Variants in TPH2 observed in about 807,000 individuals in gnomAD.
TPH2 encodes the protein tryptophan hydroxylase 2.
A neutral mutation model predicts 59.1 loss-of-function variants in TPH2; 27 were observed. That is an observed-to-expected ratio of 0.46 (90% CI 0.34 to 0.63). TPH2 has a LOEUF of 0.63. Among genes scored for constraint, TPH2 ranks in the 30% least tolerant of loss-of-function variants. The pLI, the probability that TPH2 is intolerant of heterozygous loss-of-function variation, is 0.01. For missense variants in TPH2, 523 were observed against 588.3 expected (o/e 0.89, Z 1.15); for synonymous variants, 220 against 210.5 (o/e 1.05, Z -0.39).
intron 6 of TPH2, among the ~76,000 whole-genome samples, chr12:71,974,686 C>T (rs899638847): frequency 1.3e-5 from 2 of 152,198 alleles, no homozygotes; most frequent in African/African-American, 4.8e-5. Context: ...CTTGGGGGGC[C>T]ATTACTTAGC....
intron 8 of TPH2, among the ~76,000 whole-genome samples, chr12:72,015,918 C>T (rs10506647): frequency 0.024 from 3,621 of 152,268 alleles, 147 homozygotes; most frequent in African/African-American, 0.083. Flanking sequence ...GTGATAGCTA[C>T]TTACACTCAT....
intron 7 of TPH2, among the ~76,000 whole-genome samples, chr12:71,982,704 T>C (rs1257717393): frequency 6.6e-6 from 1 of 152,240 alleles, no homozygotes; most frequent in African/African-American, 2.4e-5. Context: ...ACTTCTCTAC[T>C]GTGTTTGCTG....
intron 9 of TPH2, among the ~76,000 whole-genome samples, chr12:72,025,725 G>A (rs1873550039): frequency 6.6e-6 from 1 of 152,038 alleles, no homozygotes; most frequent in South Asian, 2.1e-4. Flanking sequence ...TCATAACTGT[G>A]GAGAACAATT....
Position 71,979,098 on chromosome 12 carries a change from A to G in TPH2, c.941+11A>G. 1 of 1,614,124 alleles carries G rather than the reference A, an allele frequency of 6.2e-7. No homozygotes were observed. ...CTACACCCCAGAACCGTGAGTACCTACATTAAAGCCCAGGCCACCACACCA... is the reference window on the plus strand; with the variant it reads ...CTACACCCCAGAACCGTGAGTACCTGCATTAAAGCCCAGGCCACCACACCA... On this transcript the variant is annotated intron_variant, in intron 7 of 10. Transcript: ENST00000333850.
intron 7 of TPH2, among the ~76,000 whole-genome samples, chr12:71,987,667 T>C (rs1302415124): frequency 6.6e-6 from 1 of 151,988 alleles, no homozygotes; most frequent in African/African-American, 2.4e-5. Context: ...TGGCCCAACA[T>C]GATAAAAACC....
intron 5 of TPH2, among the ~76,000 whole-genome samples, chr12:71,972,262 A>G (rs1358303460): frequency 1.3e-5 from 2 of 152,254 alleles, no homozygotes; most frequent in Admixed American, 1.3e-4. Context: ...GTTTAAGAAC[A>G]TAAATCTTAT....
intron 8 of TPH2, among the ~76,000 whole-genome samples, chr12:72,007,858 G>C (rs955016718): frequency 6.6e-6 from 1 of 151,932 alleles, no homozygotes; most frequent in Non-Finnish European, 1.5e-5. Flanking sequence ...ATTGGATTTT[G>C]CTTCTTTGGA....
At chr12:72,000,935 CT>C (rs1397393139) in intron 8 of TPH2, among the ~76,000 whole-genome samples, 1 of 152,196 alleles carries the variant, frequency 6.6e-6, no homozygotes, top group African/African-American at 2.4e-5. Context: ...ATTGATTTCT[CT>C]TCCCCCAAAT....
intron 6 of TPH2, among the ~76,000 whole-genome samples, chr12:71,977,323 C>T (rs569797899): frequency 6.6e-6 from 1 of 152,106 alleles, no homozygotes; most frequent in African/African-American, 2.4e-5. Context: ...TCCTAAAGTA[C>T]TGGTATTACA....
At chr12:71,982,835 A>G (rs1243318942) in intron 7 of TPH2, among the ~76,000 whole-genome samples, 3 of 152,256 alleles carry the variant, frequency 2.0e-5, no homozygotes. Flanking sequence ...GCAACAAAAA[A>G]TACATTATCT....
intron 2 of TPH2, among the ~76,000 whole-genome samples, chr12:71,942,337 G>A (rs1871093759): frequency 6.6e-6 from 1 of 152,158 alleles, no homozygotes; most frequent in African/African-American, 2.4e-5. Context: ...CCTGGTTAGG[G>A]ATGAGGCTGG....
intron 9 of TPH2, 59 bp from the exon 10 acceptor site, chr12:72,031,199 T>C: frequency 6.2e-7 from 1 of 1,609,972 alleles, no homozygotes; most frequent in Non-Finnish European, 8.5e-7. Context: ...AAATGTGATG[T>C]CATGGAGCTT....
At chr12:72,023,601 G>A (rs969105587) in intron 9 of TPH2, among the ~76,000 whole-genome samples, 3 of 152,100 alleles carry the variant, frequency 2.0e-5, no homozygotes, top group Non-Finnish European at 4.4e-5. Context: ...AGGCTGAGGT[G>A]GGCGGATCAC....
chr12:71,970,132 A>G (rs1871932134), intron 5 of TPH2, among the ~76,000 whole-genome samples: 1 of 152,190 alleles, frequency 6.6e-6, no homozygotes, highest in South Asian at 2.1e-4. Context: ...TTTGAGATCA[A>G]ATTGATTTTT....
chr12:72,014,680 C>T (rs535567748), intron 8 of TPH2, among the ~76,000 whole-genome samples: 16 of 152,122 alleles, frequency 1.1e-4, no homozygotes, highest in African/African-American at 2.4e-4. Flanking sequence ...CGTGAACCAC[C>T]GTGCCCGGCC....
intron 4 of TPH2, among the ~76,000 whole-genome samples, chr12:71,947,943 C>T (rs952580469): frequency 7.9e-5 from 12 of 152,144 alleles, no homozygotes; most frequent in African/African-American, 2.7e-4. Flanking sequence ...GGAACAGATG[C>T]TGTGCTTTTC....
chr12:71,969,170 C>A (rs1871901944), intron 5 of TPH2, among the ~76,000 whole-genome samples: 1 of 152,260 alleles, frequency 6.6e-6, no homozygotes, highest in South Asian at 2.1e-4. Context: ...GTAGTCCCAG[C>A]TACCCCGGAG....
At chr12:71,942,553 A>G (rs1871101827) in intron 2 of TPH2, among the ~76,000 whole-genome samples, 1 of 152,224 alleles carries the variant, frequency 6.6e-6, no homozygotes, top group South Asian at 2.1e-4. Context: ...TAGGGGGTTC[A>G]GACCTGTGTT....
chr12:71,991,364 T>C (rs894035385), intron 7 of TPH2, among the ~76,000 whole-genome samples: 3 of 152,228 alleles, frequency 2.0e-5, no homozygotes, highest in African/African-American at 7.2e-5. Context: ...ACCTACCCTA[T>C]TCTCTTCTTA....
Sources: gnomAD v4.1 joint callset for allele counts (sites outside exome capture counted in the v4.1 genomes callset) on GRCh38, gnomAD v4.1.1 for gene constraint, MANE v1.5 for transcripts, NCBI Gene and HGNC (gene_info 2026-07-23, HGNC 2026-07-21) for gene names.